The following ZNF804B variants were observed in gnomAD, a reference collection of about 807,000 sequenced individuals.
ZNF804B encodes the protein zinc finger 804B.
ZNF804B carries 80 observed loss-of-function variants against 101.4 expected under a neutral mutation model. The ratio of observed to expected loss-of-function variants is 0.79; its 90% CI spans 0.66 to 0.95. The LOEUF (loss-of-function observed/expected upper bound fraction) is 0.95. ZNF804B is among the 40% of genes least tolerant of loss of function. The pLI is 0.00. For missense variants in ZNF804B, 1,673 were observed against 1,561.9 expected (o/e 1.07, Z -1.20); for synonymous variants, 622 against 558.8 (o/e 1.11, Z -1.59).
At chr7:89,001,849 A>G (rs962741951) in intron 1 of ZNF804B, among the ~76,000 whole-genome samples, 13 of 151,890 alleles carry the variant, frequency 8.6e-5, no homozygotes, top group Non-Finnish European at 2.9e-5. Context: ...GGGCATTTTG[A>G]AAGTGTATTT....
chr7:88,866,686 G>A (rs902277276), intron 1 of ZNF804B, among the ~76,000 whole-genome samples: 14 of 152,220 alleles, frequency 9.2e-5, no homozygotes, highest in Admixed American at 8.5e-4. Context: ...AGTGCCACCT[G>A]GAACAGAACA....
At chr7:89,135,821 TCTCACTAG>T (rs201625025) in intron 1 of ZNF804B, among the ~76,000 whole-genome samples, 1,377 of 80,208 alleles carry the variant, frequency 0.017, 20 homozygotes, top group African/African-American at 0.069. Flanking sequence ...CGAATAGGCC[TCTCACTAG>T]CTTAGATGAT....
intron 1 of ZNF804B, among the ~76,000 whole-genome samples, chr7:89,181,312 G>A (rs188581317): frequency 1.4e-3 from 214 of 152,212 alleles, no homozygotes; most frequent in Middle Eastern, 6.8e-3. Context: ...TCAAATTTAC[G>A]TAGGACCCCA....
intron 1 of ZNF804B, among the ~76,000 whole-genome samples, chr7:89,021,435 G>T (rs1788665925): frequency 6.6e-6 from 1 of 152,156 alleles, no homozygotes; most frequent in South Asian, 2.1e-4. Context: ...TTGCTTGGTT[G>T]TCTCAAGGGT....
intron 1 of ZNF804B, among the ~76,000 whole-genome samples, chr7:89,024,322 A>C (rs568002977): frequency 1.4e-4 from 21 of 152,242 alleles, no homozygotes; most frequent in Non-Finnish European, 2.9e-4. Flanking sequence ...ACTCATGTCA[A>C]CTTATTATGG....
chr7:88,893,859 A>G (rs1329480599), intron 1 of ZNF804B, among the ~76,000 whole-genome samples: 5 of 152,142 alleles, frequency 3.3e-5, no homozygotes, highest in Admixed American at 3.3e-4. Flanking sequence ...ATTAACATTC[A>G]TTGGGGACAT....
At chr7:89,226,955 C>A (rs770090800) in intron 2 of ZNF804B, among the ~76,000 whole-genome samples, 9 of 152,162 alleles carry the variant, frequency 5.9e-5, no homozygotes, top group African/African-American at 2.2e-4. Flanking sequence ...TCCTTTCTCC[C>A]TCTTCCCTTA....
At chr7:88,794,747 C>A (rs1437282591) in intron 1 of ZNF804B, 1 of 1,613,454 alleles carries the variant, frequency 6.2e-7, no homozygotes. Context: ...TAGTAGTCAG[C>A]AACATCTTTT....
intron 1 of ZNF804B, among the ~76,000 whole-genome samples, chr7:88,842,945 CTAAT>C (rs1438867365): frequency 5.3e-5 from 8 of 152,164 alleles, no homozygotes; most frequent in Admixed American, 2.0e-4. Context: ...AAATACATCT[CTAAT>C]TGAAATATGT....
intron 2 of ZNF804B, among the ~76,000 whole-genome samples, chr7:89,300,601 T>C (rs1207295926): frequency 6.6e-6 from 1 of 151,836 alleles, no homozygotes; most frequent in Non-Finnish European, 1.5e-5. Flanking sequence ...TTATGGCATA[T>C]TTGAGTCATA....
rs527365695 is a variant in ZNF804B at position 88,795,398 on chromosome 7, C to A, written c.108+35314C>A. Among the ~76,000 whole-genome samples the A allele has an allele frequency of 7.2e-5, 11 of 152,044 alleles. No individual in the cohort carries two copies. The East Asian group carries it at 1.9e-3, about 27-fold the overall frequency. ...TTTAAGTCCTAATTAGCTTATGTAA[C>A]CTTTAGTCATGTCACTAATAGTTAA... On this transcript the variant is annotated intron_variant, in intron 1 of 3. Transcript: ENST00000333190.
intron 1 of ZNF804B, among the ~76,000 whole-genome samples, chr7:88,774,422 G>T (rs957875040): frequency 1.3e-5 from 2 of 152,038 alleles, no homozygotes; most frequent in Non-Finnish European, 1.5e-5. Context: ...ACCTGGTCTA[G>T]TGTGAGGTCC....
chr7:88,889,440 C>T (rs1038966416), intron 1 of ZNF804B, among the ~76,000 whole-genome samples: 20 of 152,116 alleles, frequency 1.3e-4, no homozygotes, highest in Admixed American at 1.0e-3. Flanking sequence ...GCCTTATCAA[C>T]GTCTGTTATT....
At position 89,106,608 on chromosome 7, in the gene ZNF804B, G is replaced by A. The variant is rs28472972; in HGVS notation, c.109-111547G>A. ...ATGAAAAGAAATACAATTAGAAGAA[G>A]CCATTCTTTAAGAAAGTCCCTTACT... is the stretch of plus-strand genomic sequence containing the variant. On this transcript the variant is annotated intron_variant, in intron 1 of 3. Coordinates refer to ENST00000333190, the MANE Select transcript of ZNF804B (RefSeq NM_181646.5). Among the ~76,000 whole-genome samples the A allele has an allele frequency of 6.8e-4, 103 of 152,204 alleles. 1 individual carries two copies. The highest frequency in any genetic ancestry group is 2.4e-3 in the African/African-American group (100 of 41,554).
chr7:89,335,987 A>C lies in ZNF804B; in HGVS notation c.3005A>C (p.Glu1002Ala). ...DQDSAIPRTTEKDKSKSSHTN... is the reference protein window; with the variant it reads ...DQDSAIPRTTAKDKSKSSHTN... Reference sequence around the variant, plus strand: ...GACAGTGCAATTCCAAGGACTACGGAGAAAGACAAAAGCAAAAGTTCACAC... The same window carrying C: ...GACAGTGCAATTCCAAGGACTACGGCGAAAGACAAAAGCAAAAGTTCACAC... The change falls in exon 4 of 4, where the codon GAG becomes GCG. Residue 1002 changes from glutamate (E) to alanine (A), a missense_variant. Glu to Ala is a moderately radical substitution (Grantham distance 107). Transcript: ENST00000333190. The C allele has an allele frequency of 6.2e-7, 1 of 1,614,052 alleles. No homozygotes were observed. The highest frequency in any genetic ancestry group is 8.5e-7 in the Non-Finnish European group (1 of 1,179,990).
intron 1 of ZNF804B, among the ~76,000 whole-genome samples, chr7:89,112,412 A>C (rs1790232816): frequency 1.3e-5 from 2 of 152,168 alleles, no homozygotes; most frequent in Admixed American, 1.3e-4. Flanking sequence ...CTCCTTTGTC[A>C]AAAATAAGTG....
At chr7:88,784,396 A>G (rs891512324) in intron 1 of ZNF804B, among the ~76,000 whole-genome samples, 1 of 152,166 alleles carries the variant, frequency 6.6e-6, no homozygotes, top group African/African-American at 2.4e-5. Context: ...TGAGCTGTGT[A>G]CATAGTCACT....
chr7:88,791,785 T>C (rs534495743), intron 1 of ZNF804B, among the ~76,000 whole-genome samples: 38 of 152,260 alleles, frequency 2.5e-4, no homozygotes, highest in Non-Finnish European at 4.9e-4. Flanking sequence ...TACATATGTA[T>C]TATTTTTCCA....
In ZNF804B at chr7:89,104,322, T is replaced by A. The variant is rs182595043; in HGVS notation, c.109-113833T>A. ...TGAGTAAGATTGGCACCAGCTCTTC[T>A]TCATACACCTGGTAAAATTCAGCTG... On this transcript the variant is annotated intron_variant, in intron 1 of 3. Transcript: ENST00000333190. Among the ~76,000 whole-genome samples the A allele has an allele frequency of 2.0e-5, 3 of 152,240 alleles. No individual in the cohort carries two copies. In the East Asian group the frequency reaches 5.8e-4, roughly 29 times the overall value.
Sources: gnomAD v4.1 joint callset for allele counts (sites outside exome capture counted in the v4.1 genomes callset) on GRCh38, gnomAD v4.1.1 for gene constraint, MANE v1.5 for transcripts, NCBI Gene and HGNC (gene_info 2026-07-23, HGNC 2026-07-21) for gene names.